GFRAL: variants seen among roughly 807,000 people sequenced by gnomAD.
GFRAL encodes the protein GDNF family receptor alpha-like.
A neutral mutation model predicts 45.4 loss-of-function variants in GFRAL; 36 were observed. The ratio of observed to expected loss-of-function variants is 0.79; its 90% CI spans 0.61 to 1.05. The LOEUF (loss-of-function observed/expected upper bound fraction) is 1.05, where lower values mean the gene tolerates loss of function less well. GFRAL is among the 50% of genes least tolerant of loss of function. The pLI is 0.00. For missense variants in GFRAL, 507 were observed against 467.5 expected (o/e 1.08, Z -0.78); for synonymous variants, 166 against 154.1 (o/e 1.08, Z -0.57).
At chr6:55,396,261 C>T (rs111411220) in intron 6 of GFRAL, among the ~76,000 whole-genome samples, 2,208 of 152,234 alleles carry the variant, frequency 0.015, 56 homozygotes, top group African/African-American at 0.049. Flanking sequence ...TGTCACTGAT[C>T]TATTATAACG....
chr6:55,381,824 CCTCT>C (rs926014320), intron 6 of GFRAL, among the ~76,000 whole-genome samples: 7 of 151,110 alleles, frequency 4.6e-5, no homozygotes, highest in Admixed American at 4.0e-4. Context: ...TGCAAAAACT[CCTCT>C]CTCTCTCTCT....
At chr6:55,335,984 A>G (rs1767886096) in intron 3 of GFRAL, among the ~76,000 whole-genome samples, 1 of 151,476 alleles carries the variant, frequency 6.6e-6, no homozygotes, top group Non-Finnish European at 1.5e-5. Flanking sequence ...TTATTCTGCC[A>G]CCCAGGCTGG....
At chr6:55,354,083 C>T (rs890873193) in intron 5 of GFRAL, among the ~76,000 whole-genome samples, 2 of 151,916 alleles carry the variant, frequency 1.3e-5, no homozygotes, top group Admixed American at 1.3e-4. Context: ...CCAGGGCTTT[C>T]GATATGCTAT....
intron 8 of GFRAL, among the ~76,000 whole-genome samples, 197 bp from the exon 9 acceptor site, chr6:55,401,593 T>A (rs1258596793): frequency 6.6e-6 from 1 of 152,218 alleles, no homozygotes; most frequent in Non-Finnish European, 1.5e-5. Context: ...AAAAAATGAT[T>A]ACTTGGACAT....
chr6:55,359,563 C>T (rs202050204), intron 6 of GFRAL, among the ~76,000 whole-genome samples: 12 of 152,038 alleles, frequency 7.9e-5, no homozygotes, highest in Admixed American at 2.6e-4. Context: ...ATGGCTCTTC[C>T]GATGGTCTTT....
At chr6:55,369,693 C>A (rs1310134485) in intron 6 of GFRAL, among the ~76,000 whole-genome samples, 3 of 2,110 alleles carry the variant, frequency 1.4e-3, no homozygotes, top group Admixed American at 0.01. Context: ...TTGGTAGACA[C>A]TGAAAAAAAA....
chr6:55,399,438 T>C lies in GFRAL; in HGVS notation c.1118T>C (p.Leu373Pro), dbSNP rs1325966053. Reference sequence around the variant, plus strand: ...ATCCTTCTGTTGGTTATGGTCAAGCTTAGGTAACTGAATATAAATTAGAAG... The same window carrying C: ...ATCCTTCTGTTGGTTATGGTCAAGCCTAGGTAACTGAATATAAATTAGAAG... ...CGILLLVMVK[L>P]RTSRISSKAR... Residue 373 changes from leucine to proline, a missense_variant, in exon 8 of 9, where the codon CTT becomes CCT. Physicochemically the swap from Leu to Pro is moderately conservative, Grantham distance 98. Transcript: ENST00000340465. 9 of 1,595,898 alleles carry C rather than the reference T, an allele frequency of 5.6e-6. No homozygotes were observed. Among genetic ancestry groups the C allele is most frequent in the Non-Finnish European group, 7.7e-6 (9 of 1,163,604 alleles).
At chr6:55,341,868 T>A (rs970102202) in intron 3 of GFRAL, among the ~76,000 whole-genome samples, 1 of 152,048 alleles carries the variant, frequency 6.6e-6, no homozygotes, top group African/African-American at 2.4e-5. Context: ...GAGAACTACA[T>A]GATGAATGCA....
chr6:55,327,607 A>T, intron 1 of GFRAL, 31 bp downstream of exon 1: 1 of 1,593,560 alleles, frequency 6.3e-7, no homozygotes, highest in Non-Finnish European at 8.6e-7. Flanking sequence ...GTTTATCTGA[A>T]TTATTCATAA....
rs371473698 is a variant in GFRAL at position 55,373,437 on chromosome 6, G to C, written c.952+14299G>C. On this transcript the variant is annotated intron_variant, in intron 6 of 8. Coordinates refer to ENST00000340465, the MANE Select transcript of GFRAL (RefSeq NM_207410.2). Reference sequence around the variant, plus strand: ...ACAGACTTTTGCAAGCAGACTGGTGGCTCCTTTGGCAATATAATCTCTTAA... The same window carrying C: ...ACAGACTTTTGCAAGCAGACTGGTGCCTCCTTTGGCAATATAATCTCTTAA... Among the ~76,000 whole-genome samples, 6 of 152,060 alleles carry C rather than the reference G, an allele frequency of 3.9e-5. No individual in the cohort carries two copies. In the East Asian group the frequency reaches 5.8e-4, roughly 15 times the overall value.
chr6:55,383,469 A>G (rs970909710), intron 6 of GFRAL, among the ~76,000 whole-genome samples: 2 of 151,820 alleles, frequency 1.3e-5, no homozygotes, highest in African/African-American at 4.8e-5. Flanking sequence ...TACCTTCTCT[A>G]TGTTTAGGTA....
intron 6 of GFRAL, among the ~76,000 whole-genome samples, chr6:55,389,528 C>T (rs1013245945): frequency 1.4e-4 from 21 of 151,798 alleles, no homozygotes; most frequent in African/African-American, 5.1e-4. Context: ...ACCTTACATG[C>T]CTTGCCTCAT....
chr6:55,343,410 C>A (rs9475250), intron 3 of GFRAL, among the ~76,000 whole-genome samples: 3,055 of 152,204 alleles, frequency 0.02, 106 homozygotes, highest in African/African-American at 0.069. Context: ...AACTGAACAA[C>A]CTGCTCGTGA....
At chr6:55,359,382 G>T (rs1320032661) in intron 6 of GFRAL, among the ~76,000 whole-genome samples, 1 of 151,844 alleles carries the variant, frequency 6.6e-6, no homozygotes, top group Non-Finnish European at 1.5e-5. Flanking sequence ...ATCATTTATT[G>T]ATTTCAATAT....
chr6:55,351,227 C>T (rs1430333155), intron 4 of GFRAL, 26 bp from the exon 5 acceptor site: 3 of 1,497,596 alleles, frequency 2.0e-6, no homozygotes, highest in East Asian at 2.3e-5. Flanking sequence ...TACTTTTCCA[C>T]GACCTGGGCA....
intron 6 of GFRAL, among the ~76,000 whole-genome samples, chr6:55,394,025 T>C (rs1436243438): frequency 6.6e-6 from 1 of 152,126 alleles, no homozygotes; most frequent in Non-Finnish European, 1.5e-5. Context: ...TAAAGATACC[T>C]ATTTATGTAA....
intron 6 of GFRAL, among the ~76,000 whole-genome samples, chr6:55,387,163 A>G (rs972864875): frequency 6.6e-6 from 1 of 152,204 alleles, no homozygotes; most frequent in Non-Finnish European, 1.5e-5. Context: ...TGGCATTACT[A>G]GAGAAGAAAG....
rs750085171 is a variant in GFRAL, at chr6:55,359,106, T to C, written c.920T>C (p.Phe307Ser). 1 of 1,612,406 alleles carries C rather than the reference T, an allele frequency of 6.2e-7. No homozygotes were observed. Among genetic ancestry groups the C allele is most frequent in the South Asian group, 1.1e-5 (1 of 91,006 alleles). ...AGTGAGGAATCTTTGTGTAAGATTT[T>C]CCAGCACATGCTTCATAGAAAATCA... ...TQSEESLCKI[F>S]QHMLHRKSCF... Residue 307 changes from phenylalanine (F) to serine (S), a missense_variant, in exon 6 of 9, where the codon TTC (phenylalanine) becomes TCC (serine). Phe to Ser is a radical substitution (Grantham distance 155, BLOSUM62 -2). Coordinates refer to ENST00000340465, the MANE Select transcript of GFRAL (RefSeq NM_207410.2).
At position 55,331,801 on chromosome 6, in the gene GFRAL, G is replaced by A. The variant is rs1395929488; in HGVS notation, c.109G>A (p.Gly37Arg). The stretch of plus-strand genomic sequence containing the variant: ...AGAGCAATGCTTACGTGATGCAAAT[G>A]GATGTAAACATGCTTGGAGAGTAAT... ...LREQCLRDAN[G>R]CKHAWRVMED... Residue 37 changes from glycine (G) to arginine (R), a missense_variant, in exon 2 of 9, where the codon GGA becomes AGA. By Grantham distance (125) the Gly-to-Arg change is moderately radical (BLOSUM62 -2). Transcript: ENST00000340465. 2 of 1,611,696 alleles carry A rather than the reference G, an allele frequency of 1.2e-6. No individual in the cohort carries two copies. Among genetic ancestry groups the A allele is most frequent in the South Asian group, 2.2e-5 (2 of 90,616 alleles).
Sources: allele counts gnomAD v4.1 joint callset (sites outside exome capture counted in the v4.1 genomes callset), GRCh38; gene constraint gnomAD v4.1.1; transcripts MANE v1.5; gene names NCBI Gene and HGNC (gene_info 2026-07-23, HGNC 2026-07-21).